Variants in USP37 observed in about 807,000 individuals in gnomAD.
USP37 encodes the protein ubiquitin specific peptidase 37.
In USP37, 27 loss-of-function variants were observed where a neutral mutation model predicts 124.0. That is an observed-to-expected ratio of 0.22 (90% CI 0.16 to 0.30). The LOEUF (loss-of-function observed/expected upper bound fraction) is 0.30, where lower values mean the gene tolerates loss of function less well. Ranked by LOEUF, USP37 falls within the 10% of genes least tolerant of loss-of-function variation. The probability of loss-of-function intolerance (pLI) is 1.00; values close to 1 mark genes in which losing one functional copy is unlikely to be tolerated. For missense variants in USP37, 889 were observed against 1,140.4 expected (o/e 0.78, Z 3.17); for synonymous variants, 365 against 388.0 (o/e 0.94, Z 0.70).
chr2:218,463,530 CTTTTTTT>C (rs778154896), intron 21 of USP37, among the ~76,000 whole-genome samples, 164 bp from the exon 22 acceptor site: 5 of 99,098 alleles, frequency 5.0e-5, no homozygotes, highest in Non-Finnish European at 9.6e-5. Flanking sequence ...AAGTTCTTTA[CTTTTTTT>C]TTTTTTTTTT....
rs1574838343 is a variant in USP37 at position 218,463,359 on chromosome 2, C to G, written c.2474G>C (p.Trp825Ser). 6.2e-7 allele frequency: 1 copy of G among 1,613,912 alleles called. No individual in the cohort carries two copies. The highest frequency in any genetic ancestry group is 2.2e-5 in the East Asian group (1 of 44,876). The change falls in exon 22 of 26, where the codon TGG (tryptophan) becomes TCG (serine). Residue 825 changes from tryptophan (W) to serine (S), a missense_variant. Physicochemically the swap from Trp to Ser is radical, Grantham distance 177. This residue lies in a region of USP37 where 504 missense variants were observed against 714.3 expected (regional missense o/e 0.71). Coordinates refer to ENST00000258399, the MANE Select transcript of USP37 (RefSeq NM_020935.3). ...LAQSLQEQEA[W>S]EQKEDDDLKR... The stretch of plus-strand genomic sequence containing the variant: ...GAGGTCATCATCTTCTTTCTGTTCC[C>G]AAGCCTCCTAAAGGGAAAAGAACAA...
At position 218,547,069 on chromosome 2, in the gene USP37, A is replaced by G; in HGVS notation, c.452T>C (p.Leu151Ser). The stretch of plus-strand genomic sequence containing the variant: ...AAATGGAATATCATCTTTAGTTTCC[A>G]AACTTCCTCTTTTTGCAGAAGCCTG... ...DNQASAKRGS[L>S]ETKDDIPFRK... The change falls in exon 7 of 26, where the codon TTG becomes TCG. Residue 151 changes from leucine (L) to serine (S), a missense_variant. This residue lies in a region of USP37 where 374 missense variants were observed against 386.0 expected (regional missense o/e 0.97). Transcript: ENST00000258399. The G allele has an allele frequency of 6.3e-7, 1 of 1,596,586 alleles. No homozygotes were observed.
intron 4 of USP37, among the ~76,000 whole-genome samples, chr2:218,554,342 T>A (rs1692830647): frequency 6.6e-6 from 1 of 152,206 alleles, no homozygotes; most frequent in African/African-American, 2.4e-5. Flanking sequence ...ACTCTTGATC[T>A]CATGGTAGGG....
intron 4 of USP37, among the ~76,000 whole-genome samples, chr2:218,556,584 G>GCTCACTGCA (rs1232997607): frequency 8.1e-6 from 1 of 124,182 alleles, no homozygotes; most frequent in African/African-American, 3.0e-5. Context: ...TGAGATTTCA[G>GCTCACTGCA]CTCACTGCAA....
At chr2:218,535,486 C>A (rs910824558) in intron 8 of USP37, among the ~76,000 whole-genome samples, 1 of 149,920 alleles carries the variant, frequency 6.7e-6, no homozygotes, top group Non-Finnish European at 1.5e-5. Flanking sequence ...GCGAGGCGGG[C>A]GGATCACCTG....
intron 14 of USP37, among the ~76,000 whole-genome samples, chr2:218,493,867 T>G (rs918756974): frequency 2.0e-5 from 3 of 152,202 alleles, no homozygotes; most frequent in African/African-American, 7.2e-5. Context: ...GTGGTCATTT[T>G]CAACTGAGGC....
chr2:218,509,841 A>T (rs1162431457), intron 11 of USP37, 138 bp downstream of exon 11: 1 of 801,856 alleles, frequency 1.2e-6, no homozygotes, highest in Non-Finnish European at 1.8e-6. Flanking sequence ...TTATGGATGT[A>T]ATAAATCTTT....
chr2:218,547,915 T>G (rs950110322), intron 6 of USP37, among the ~76,000 whole-genome samples: 2 of 152,234 alleles, frequency 1.3e-5, no homozygotes, highest in East Asian at 3.8e-4. Context: ...CAGCTTTACA[T>G]GAACACTCTG....
chr2:218,555,586 G>A (rs1692923932), intron 4 of USP37, among the ~76,000 whole-genome samples: 1 of 152,118 alleles, frequency 6.6e-6, no homozygotes, highest in South Asian at 2.1e-4. Flanking sequence ...ACAAAGCAAA[G>A]TTTGTTCATT....
intron 23 of USP37, among the ~76,000 whole-genome samples, chr2:218,458,968 G>T (rs2106405284): frequency 6.6e-6 from 1 of 151,756 alleles, no homozygotes; most frequent in South Asian, 2.1e-4. Context: ...ATGGAGGTGA[G>T]AATAACAAAG....
intron 6 of USP37, 29 bp downstream of exon 6, chr2:218,549,780 A>T (rs1692565376): frequency 3.1e-6 from 5 of 1,593,442 alleles, no homozygotes; most frequent in Non-Finnish European, 4.3e-6. Context: ...CATTTTTTTT[A>T]AATGCTAAAA....
intron 14 of USP37, among the ~76,000 whole-genome samples, chr2:218,495,406 T>C (rs897141186): frequency 6.6e-5 from 10 of 152,214 alleles, no homozygotes; most frequent in Non-Finnish European, 1.3e-4. Context: ...CCTCCCAAAT[T>C]GTTGGGATTA....
intron 5 of USP37, among the ~76,000 whole-genome samples, chr2:218,552,607 G>GAGAAA (rs573391292): frequency 2.1e-4 from 32 of 150,036 alleles, no homozygotes; most frequent in Non-Finnish European, 3.0e-4. Context: ...AAAAGAAAAA[G>GAGAAA]AGAAAAGAAA....
At chr2:218,490,271 G>A (rs977411402) in intron 14 of USP37, among the ~76,000 whole-genome samples, 1 of 152,158 alleles carries the variant, frequency 6.6e-6, no homozygotes, top group South Asian at 2.1e-4. Flanking sequence ...AACTCAGGAG[G>A]CTGAACTTGA....
intron 2 of USP37, among the ~76,000 whole-genome samples, chr2:218,561,642 C>T (rs1005244352): frequency 2.3e-5 from 3 of 132,612 alleles, no homozygotes; most frequent in Non-Finnish European, 4.7e-5. Context: ...TGGAGCCAGA[C>T]TCTGTCTCAG....
intron 22 of USP37, among the ~76,000 whole-genome samples, chr2:218,460,959 A>T (rs1191892230): frequency 3.9e-5 from 6 of 152,090 alleles, no homozygotes; most frequent in South Asian, 2.1e-4. Flanking sequence ...AAAATAAAAA[A>T]AAAATCATTT....
At chr2:218,487,908 G>A (rs1347300264) in intron 15 of USP37, among the ~76,000 whole-genome samples, 2 of 151,430 alleles carry the variant, frequency 1.3e-5, no homozygotes, top group South Asian at 4.2e-4. Context: ...CCAAAACCAG[G>A]TGTGGTGGCT....
At chr2:218,512,168 G>A (rs1416812876) in intron 10 of USP37, among the ~76,000 whole-genome samples, 1 of 152,100 alleles carries the variant, frequency 6.6e-6, no homozygotes, top group Non-Finnish European at 1.5e-5. Context: ...AGGATCAGGA[G>A]TTTGAAACCA....
chr2:218,462,691 T>A (rs1375620956), intron 22 of USP37, among the ~76,000 whole-genome samples: 1 of 152,136 alleles, frequency 6.6e-6, no homozygotes, highest in Non-Finnish European at 1.5e-5. Context: ...AGATTGTTCT[T>A]GCTAATTTTT....
Sources: allele counts gnomAD v4.1 joint callset (sites outside exome capture counted in the v4.1 genomes callset), GRCh38; gene constraint gnomAD v4.1.1; regional missense constraint gnomAD v4.1.1; transcripts MANE v1.5; gene names NCBI Gene and HGNC (gene_info 2026-07-23, HGNC 2026-07-21).